The following RAB37 variants were observed in gnomAD, a reference collection of about 807,000 sequenced individuals.
RAB37 encodes ras-related protein Rab-37.
A neutral mutation model predicts 33.1 loss-of-function variants in RAB37; 29 were observed. The observed-to-expected ratio is 0.88, with a 90% confidence interval of 0.65 to 1.20. RAB37 has a LOEUF of 1.20. Ranked by LOEUF, RAB37 falls within the 50% of genes most tolerant of loss-of-function variation. The pLI is 0.00. For missense variants in RAB37, 299 were observed against 301.1 expected, an observed-to-expected ratio of 0.99 and a Z score of 0.05; for synonymous variants, 128 against 119.5, an observed-to-expected ratio of 1.07 and a Z score of -0.47.
At chr17:74,695,280 G>T (rs776057098) in intron 1 of RAB37, 1 of 1,612,320 alleles carries the variant, frequency 6.2e-7, no homozygotes, top group Non-Finnish European at 8.5e-7. Flanking sequence ...CCAGGTCAGA[G>T]AGGACGGCAG....
chr17:74,703,005 T>G (rs377261155), intron 1 of RAB37: 2 of 1,578,976 alleles, frequency 1.3e-6, no homozygotes, highest in Admixed American at 3.3e-5. Flanking sequence ...TTGGGCCAAG[T>G]AGGCCACAGT....
At chr17:74,728,607 TTA>T (rs1365849503) in intron 1 of RAB37, among the ~76,000 whole-genome samples, 2 of 151,862 alleles carry the variant, frequency 1.3e-5, no homozygotes, top group African/African-American at 2.4e-5. Context: ...GTGTGTATGT[TTA>T]TGTGTGTGTG....
rs781686685 is a variant in RAB37, at chr17:74,745,774, A to T, written c.*363A>T. 4.2e-5 allele frequency: 9 copies of T among 211,768 alleles called. No homozygotes were observed. In the Middle Eastern group the frequency reaches 9.4e-3, roughly 221 times the overall value. 13.1% of individuals were successfully genotyped at this position (211,768 alleles called of 1,614,324 possible). A position where few individuals can be genotyped will look rare whatever the true frequency, so the allele number is the denominator to read the frequency against. On this transcript the variant is annotated 3_prime_UTR_variant, in exon 9 of 9. Coordinates refer to ENST00000392613, the MANE Select transcript of RAB37 (RefSeq NM_001006638.3). This position sits in a 1 kb window ranked among gnomAD's most constrained non-coding sequence, Gnocchi z 4.5. ...GGTGGTGTTGCTCCAGCTCAGCCCC[A>T]GGGGACACAGATGCACTTTGGGGGT...
intron 1 of RAB37, among the ~76,000 whole-genome samples, chr17:74,706,016 T>C (rs1325095528): frequency 6.6e-6 from 1 of 152,182 alleles, no homozygotes; most frequent in Non-Finnish European, 1.5e-5. Flanking sequence ...TACCGCATGT[T>C]CTCACTTATA....
intron 1 of RAB37, among the ~76,000 whole-genome samples, chr17:74,698,213 G>GC (rs1229983955): frequency 2.6e-5 from 4 of 152,252 alleles, no homozygotes; most frequent in Admixed American, 6.5e-5. Context: ...GCTCCAGGGC[G>GC]CCCCCCGGTC....
chr17:74,680,492 A>G (rs1272242246), intron 1 of RAB37, among the ~76,000 whole-genome samples: 2 of 152,192 alleles, frequency 1.3e-5, no homozygotes, highest in African/African-American at 4.8e-5. Context: ...ATCCAGGGGA[A>G]AAAATGGAAC....
intron 1 of RAB37, chr17:74,698,376 C>T: frequency 6.2e-7 from 1 of 1,612,074 alleles, no homozygotes; most frequent in South Asian, 1.1e-5. Context: ...CACCTTTCTG[C>T]TGGTACTTCA....
intron 1 of RAB37, among the ~76,000 whole-genome samples, chr17:74,678,710 C>T (rs2031892992): frequency 6.6e-6 from 1 of 151,910 alleles, no homozygotes; most frequent in African/African-American, 2.4e-5. Flanking sequence ...CACACACATG[C>T]CTGCACATGC....
intron 1 of RAB37, among the ~76,000 whole-genome samples, chr17:74,707,670 G>A (rs2033624870): frequency 6.6e-6 from 1 of 150,478 alleles, no homozygotes; most frequent in Non-Finnish European, 1.5e-5. Flanking sequence ...AGCCAAGATC[G>A]TGCCACTGCA....
chr17:74,707,388 T>C (rs1264461485), intron 1 of RAB37, among the ~76,000 whole-genome samples: 1 of 152,192 alleles, frequency 6.6e-6, no homozygotes, highest in Non-Finnish European at 1.5e-5. Flanking sequence ...TTTTAAATGC[T>C]CAACATCTCT....
intron 1 of RAB37, chr17:74,696,011 C>T: frequency 1.6e-6 from 2 of 1,252,854 alleles, no homozygotes; most frequent in Non-Finnish European, 2.2e-6. Flanking sequence ...GCTCCTGTAC[C>T]CCTCAGCCCT....
At chr17:74,698,541 T>C (rs375952934) in intron 1 of RAB37, 12 of 1,011,212 alleles carry the variant, frequency 1.2e-5, no homozygotes, top group Middle Eastern at 2.2e-4. Flanking sequence ...CTCAGCCCAA[T>C]CCCACCCACC....
chr17:74,690,366 C>T (rs2032136786), intron 1 of RAB37, among the ~76,000 whole-genome samples: 1 of 152,040 alleles, frequency 6.6e-6, no homozygotes, highest in Admixed American at 6.6e-5. Flanking sequence ...GCTTAGAAAT[C>T]TTGGAGTTTG....
intron 1 of RAB37, among the ~76,000 whole-genome samples, chr17:74,720,433 A>AT (rs1286664713): frequency 6.6e-6 from 1 of 151,780 alleles, no homozygotes; most frequent in Non-Finnish European, 1.5e-5. Flanking sequence ...GAAAAAAAAA[A>AT]CCCAAAATTT....
chr17:74,736,624 G>T, upstream of RAB37: 1 of 1,534,626 alleles, frequency 6.5e-7, no homozygotes, highest in Non-Finnish European at 8.7e-7. Context: ...GGGACATTCT[G>T]GGCACAACCA....
Position 74,727,920 on chromosome 17 carries a change from G to T in RAB37, c.73-1336G>T, listed in dbSNP as rs539757718. ...TATCTGTGCATGTGTGCATGTTTGC[G>T]TGTATGCTGCATGTCTGTGAATGTG... On this transcript the variant is annotated intron_variant, in intron 1 of 7. Coordinates refer to the RAB37 transcript ENST00000340415. 2.0e-4 allele frequency among the ~76,000 whole-genome samples: 30 copies of T among 151,774 alleles called. 1 individual carries two copies. Among genetic ancestry groups the T allele is most frequent in the African/African-American group, 7.2e-4 (30 of 41,390 alleles).
chr17:74,715,090 A>G (rs2034149455), intron 1 of RAB37, among the ~76,000 whole-genome samples: 1 of 152,142 alleles, frequency 6.6e-6, no homozygotes, highest in Non-Finnish European at 1.5e-5. Flanking sequence ...CCATTGCACT[A>G]CAGCCTGGGC....
intron 1 of RAB37, chr17:74,704,233 A>T: frequency 2.1e-6 from 1 of 473,190 alleles, no homozygotes; most frequent in East Asian, 3.5e-5. Context: ...TCAGGCACTG[A>T]GCTGTGCAGA....
intron 1 of RAB37, among the ~76,000 whole-genome samples, chr17:74,680,707 A>G (rs2031937197): frequency 6.6e-6 from 1 of 151,824 alleles, no homozygotes; most frequent in African/African-American, 2.4e-5. Context: ...CCAGGTCTGT[A>G]TTTCCTGCAA....
Sources: allele counts gnomAD v4.1 joint callset (sites outside exome capture counted in the v4.1 genomes callset), GRCh38; gene constraint gnomAD v4.1.1; non-coding constraint Gnocchi (gnomAD v3.1); transcripts MANE v1.5; gene names NCBI Gene and HGNC (gene_info 2026-07-23, HGNC 2026-07-21).